Variants in ERBB4 observed in about 807,000 individuals in gnomAD.
The protein encoded by ERBB4 is erb-b2 receptor tyrosine kinase 4, also known as receptor tyrosine-protein kinase erbB-4.
ERBB4 carries 42 observed loss-of-function variants against 158.0 expected under a neutral mutation model. That is an observed-to-expected ratio of 0.27 (90% CI 0.21 to 0.34). The LOEUF is 0.34. ERBB4 is among the 10% of genes least tolerant of loss of function. The pLI is 1.00. For synonymous variants in ERBB4, 583 were observed against 558.7 expected (o/e 1.04, Z -0.61); for missense variants, 1,333 against 1,624.1 (o/e 0.82, Z 3.08).
chr2:211,651,707 G>A (rs1387965387), intron 16 of ERBB4, among the ~76,000 whole-genome samples: 2 of 150,656 alleles, frequency 1.3e-5, no homozygotes, highest in Non-Finnish European at 1.5e-5. Context: ...GGTGGGGTGG[G>A]AAGGGCTGGT....
intron 16 of ERBB4, among the ~76,000 whole-genome samples, chr2:211,631,318 T>C (rs1299924601): frequency 6.6e-6 from 1 of 152,146 alleles, no homozygotes; most frequent in Non-Finnish European, 1.5e-5. Flanking sequence ...CCCAAAGTGC[T>C]ATTTGAAACT....
At chr2:212,056,340 T>G (rs912326818) in intron 2 of ERBB4, among the ~76,000 whole-genome samples, 1 of 152,302 alleles carries the variant, frequency 6.6e-6, no homozygotes, top group African/African-American at 2.4e-5. Context: ...TGGAACCAAG[T>G]TGGAAAACAC....
chr2:212,418,046 A>G (rs1304368378), intron 1 of ERBB4, among the ~76,000 whole-genome samples: 1 of 151,984 alleles, frequency 6.6e-6, no homozygotes, highest in Non-Finnish European at 1.5e-5. Flanking sequence ...TCAGCAAGTC[A>G]GGAAGAAGGC....
intron 1 of ERBB4, among the ~76,000 whole-genome samples, chr2:212,353,011 CTG>C (rs2089318255): frequency 1.3e-5 from 2 of 151,858 alleles, no homozygotes; most frequent in Non-Finnish European, 2.9e-5. Context: ...AGTAAAATAA[CTG>C]TTAAAAATCC....
chr2:211,607,592 C>T (rs529844345), intron 19 of ERBB4, among the ~76,000 whole-genome samples: 47 of 152,264 alleles, frequency 3.1e-4, no homozygotes, highest in Non-Finnish European at 5.6e-4. Flanking sequence ...GAACTGGTCT[C>T]ATAATTGTAA....
chr2:211,819,747 T>C (rs2076953952), intron 3 of ERBB4, among the ~76,000 whole-genome samples: 1 of 151,858 alleles, frequency 6.6e-6, no homozygotes, highest in South Asian at 2.1e-4. Flanking sequence ...GAAGCAATGC[T>C]AAGAAAGGGT....
chr2:212,172,297 GT>G (rs138142623), intron 1 of ERBB4, among the ~76,000 whole-genome samples: 93,462 of 151,794 alleles, frequency 0.62, 29,918 homozygotes, highest in African/African-American at 0.69. Context: ...AAAAAGGAAT[GT>G]TTTTTTTACT....
chr2:212,127,911 T>C (rs73987237), intron 1 of ERBB4, among the ~76,000 whole-genome samples: 3,315 of 152,318 alleles, frequency 0.022, 129 homozygotes, highest in African/African-American at 0.076. Context: ...ATGAGCCTGC[T>C]GTCACCTTGA....
chr2:211,992,142 G>A (rs543016840), intron 2 of ERBB4, among the ~76,000 whole-genome samples: 17 of 152,042 alleles, frequency 1.1e-4, no homozygotes, highest in Non-Finnish European at 2.5e-4. Context: ...TACTGGTACC[G>A]ATTCACTGTA....
At chr2:211,829,436 A>G (rs946159996) in intron 3 of ERBB4, among the ~76,000 whole-genome samples, 3 of 152,088 alleles carry the variant, frequency 2.0e-5, no homozygotes, top group African/African-American at 7.2e-5. Context: ...GTTACCGTTA[A>G]GTATCTCATT....
At chr2:211,668,802 T>C (rs2071723613) in intron 14 of ERBB4, among the ~76,000 whole-genome samples, 1 of 152,102 alleles carries the variant, frequency 6.6e-6, no homozygotes, top group South Asian at 2.1e-4. Flanking sequence ...TCCAGCCTTC[T>C]CTCTCTGGTG....
At chr2:211,994,719 C>T (rs373942755) in intron 2 of ERBB4, among the ~76,000 whole-genome samples, 3 of 152,114 alleles carry the variant, frequency 2.0e-5, no homozygotes, top group Non-Finnish European at 4.4e-5. Context: ...CCTATCAATC[C>T]TCTTTAACTC....
At chr2:211,509,928 A>G (rs901907785) in intron 20 of ERBB4, among the ~76,000 whole-genome samples, 6 of 152,152 alleles carry the variant, frequency 3.9e-5, no homozygotes, top group Non-Finnish European at 8.8e-5. Context: ...GCTATTCATA[A>G]AAGTCAAAAA....
chr2:212,430,582 A>G (rs2092006516), intron 1 of ERBB4, among the ~76,000 whole-genome samples: 1 of 152,074 alleles, frequency 6.6e-6, no homozygotes, highest in Non-Finnish European at 1.5e-5. Flanking sequence ...CTGGGATTAC[A>G]GGTGCCTACC....
At chr2:211,625,039 A>G (rs1270080354) in intron 17 of ERBB4, among the ~76,000 whole-genome samples, 1 of 151,838 alleles carries the variant, frequency 6.6e-6, no homozygotes, top group African/African-American at 2.4e-5. Flanking sequence ...GGGGGCAAGT[A>G]TGTGCATGCG....
chr2:211,650,967 T>C (rs776599780), intron 16 of ERBB4, among the ~76,000 whole-genome samples: 5 of 152,188 alleles, frequency 3.3e-5, no homozygotes, highest in Non-Finnish European at 5.9e-5. Context: ...GGTTACCATA[T>C]TGGACAGTGC....
chr2:211,776,661 A>C (rs181062174), intron 4 of ERBB4, among the ~76,000 whole-genome samples: 19 of 152,336 alleles, frequency 1.2e-4, no homozygotes, highest in Admixed American at 1.2e-3. Flanking sequence ...TTAAAATATG[A>C]GAAAGAAAGA....
intron 1 of ERBB4, among the ~76,000 whole-genome samples, chr2:212,450,006 C>T (rs541710999): frequency 2.0e-5 from 3 of 152,180 alleles, no homozygotes; most frequent in Admixed American, 6.5e-5. Flanking sequence ...TATACACTAA[C>T]GTGTTTAAAA....
intron 1 of ERBB4, among the ~76,000 whole-genome samples, chr2:212,422,065 A>T (rs1370953080): frequency 6.6e-6 from 1 of 152,194 alleles, no homozygotes; most frequent in Non-Finnish European, 1.5e-5. Context: ...CCACAGTGAT[A>T]ATTCACCATT....
Sources: gnomAD v4.1 joint callset for allele counts (sites outside exome capture counted in the v4.1 genomes callset) on GRCh38, gnomAD v4.1.1 for gene constraint, MANE v1.5 for transcripts, NCBI Gene and HGNC (gene_info 2026-07-23, HGNC 2026-07-21) for gene names.